Variants in TCF4 observed in about 807,000 individuals in gnomAD.
TCF4 encodes the protein SL3-3 enhancer factor 2.
Under a neutral mutation model 82.1 loss-of-function variants are expected in TCF4, and 3 were observed. The ratio of observed to expected loss-of-function variants is 0.04; its 90% CI spans 0.02 to 0.09. The LOEUF (loss-of-function observed/expected upper bound fraction) is 0.09. Among genes scored for constraint, TCF4 ranks in the 10% least tolerant of loss-of-function variants. The pLI is 1.00. For missense variants in TCF4, 518 were observed against 852.7 expected (o/e 0.61, Z 4.89); for synonymous variants, 276 against 309.6 (o/e 0.89, Z 1.14).
chr18:55,280,907 A>T (rs1391644494), intron 8 of TCF4, among the ~76,000 whole-genome samples: 1 of 152,170 alleles, frequency 6.6e-6, no homozygotes, highest in East Asian at 1.9e-4. Flanking sequence ...CCACAGAGAC[A>T]GATGTGGGAA....
rs920742193 is a variant in TCF4 at position 55,382,707 on chromosome 18, A to G, written c.369+20747T>C. Among the ~76,000 whole-genome samples the G allele has an allele frequency of 2.6e-5, 4 of 152,200 alleles. No homozygotes were observed. The South Asian group carries it at 8.3e-4, about 32-fold the overall frequency. The stretch of plus-strand genomic sequence containing the variant: ...TCTAATAATAAACATAAATAAGAAA[A>G]AAAGAGTTAACAGAAATTAAATGTG... On this transcript the variant is annotated intron_variant, in intron 6 of 19. Transcript: ENST00000354452.
Position 55,264,006 on chromosome 18 carries a change from T to C in TCF4, c.923-2473A>G, listed in dbSNP as rs140400669. Among the ~76,000 whole-genome samples, 360 of 152,128 alleles carry C rather than the reference T, an allele frequency of 2.4e-3. 2 individuals are homozygous for C. Among genetic ancestry groups the C allele is most frequent in the African/African-American group, 8.0e-3 (332 of 41,538 alleles). On this transcript the variant is annotated intron_variant, in intron 11 of 19. Coordinates refer to ENST00000354452, the MANE Select transcript of TCF4 (RefSeq NM_001083962.2). ...TTTAAAATGAAGATTACAAATAATATATATATTTTTATGAAACTAAACAAA... is the reference window on the plus strand; with the variant it reads ...TTTAAAATGAAGATTACAAATAATACATATATTTTTATGAAACTAAACAAA...
chr18:55,454,551 A>T (rs1344997969), intron 5 of TCF4, among the ~76,000 whole-genome samples: 1 of 152,156 alleles, frequency 6.6e-6, no homozygotes. Flanking sequence ...TTTATCCCCA[A>T]CCAATCCAAT....
rs1247778336 is a variant in TCF4, at chr18:55,631,308, C to T, written c.276G>A (p.Leu92=). ...AGGTGATCCACCTACCTTGGCCTCC[C>T]AAAGTGCTGGGATTACAGGTGTGAG... The change falls in exon 2 of 21, where the codon TTG becomes TTA. Residue 92 remains leucine (L), a synonymous_variant. Coordinates refer to the TCF4 transcript ENST00000398339. 3 of 1,514,038 alleles carry T rather than the reference C, an allele frequency of 2.0e-6. No individual in the cohort carries two copies. The Middle Eastern group carries it at 5.1e-4, about 255-fold the overall frequency. 93.8% of individuals were successfully genotyped at this position (1,514,038 alleles called of 1,614,324 possible).
intron 2 of TCF4, among the ~76,000 whole-genome samples, chr18:55,630,669 CTT>C (rs2097730691): frequency 6.6e-6 from 1 of 152,204 alleles, no homozygotes; most frequent in African/African-American, 2.4e-5. Flanking sequence ...TGCTATGCCT[CTT>C]TTCTTTTGGA....
chr18:55,334,804 C>T (rs1053251847), intron 8 of TCF4, among the ~76,000 whole-genome samples: 1 of 150,852 alleles, frequency 6.6e-6, no homozygotes, highest in African/African-American at 2.4e-5. Flanking sequence ...CACCTTTCTT[C>T]AGTGACTAAG....
At chr18:55,399,845 C>G (rs1411719565) in intron 6 of TCF4, among the ~76,000 whole-genome samples, 1 of 145,430 alleles carries the variant, frequency 6.9e-6, no homozygotes, top group African/African-American at 2.6e-5. Context: ...CTCTCTCTCT[C>G]TCTCCCCATC....
At position 55,228,753 on chromosome 18, in the gene TCF4, C is replaced by G; in HGVS notation, c.1879+94G>C. The G allele has an allele frequency of 2.4e-6, 3 of 1,267,618 alleles. No individual in the cohort carries two copies. In the Middle Eastern group the frequency reaches 7.5e-4, roughly 316 times the overall value. The allele number at this position is 1,267,618 out of a possible 1,614,324, so 78.5% of individuals were successfully genotyped here. ...CTTTGGAATGATGCTTGAAAGTCTA[C>G]TGTCTGCCACTGCTCAAGACTGGCG... On this transcript the variant is annotated intron_variant, in intron 18 of 19. Coordinates refer to ENST00000354452, the MANE Select transcript of TCF4 (RefSeq NM_001083962.2).
upstream of TCF4, chr18:55,589,953 C>T (rs184507753): frequency 3.9e-4 from 200 of 517,190 alleles, 1 homozygote; most frequent in African/African-American, 3.9e-3. Context: ...CCTCCGGGAG[C>T]GGAGGCGGGT....
chr18:55,556,124 A>ATAT (rs1346422833), intron 3 of TCF4, among the ~76,000 whole-genome samples: 6 of 152,160 alleles, frequency 3.9e-5, no homozygotes, highest in African/African-American at 1.4e-4. Context: ...TTAATAGTTA[A>ATAT]GTGAGCTTAT....
chr18:55,578,934 C>G (rs1371647003), intron 3 of TCF4, among the ~76,000 whole-genome samples: 1 of 151,916 alleles, frequency 6.6e-6, no homozygotes, highest in Non-Finnish European at 1.5e-5. Context: ...AAAATACTTT[C>G]TTACAGCCCT....
rs9965322 is a variant in TCF4 at position 55,403,211 on chromosome 18, G to A, written c.369+243C>T. 8.8e-3 allele frequency among the ~76,000 whole-genome samples: 1,335 copies of A among 152,126 alleles called. 15 individuals are homozygous for A. The highest frequency in any genetic ancestry group is 0.037 in the Middle Eastern group (11 of 294). On this transcript the variant is annotated intron_variant, in intron 6 of 19. Coordinates refer to ENST00000354452, the MANE Select transcript of TCF4 (RefSeq NM_001083962.2). ...GTTTGCAAACAGTGCCACTGGTACCGGCTGATGGATTAAAAAATAAAAACA... is the reference window on the plus strand; with the variant it reads ...GTTTGCAAACAGTGCCACTGGTACCAGCTGATGGATTAAAAAATAAAAACA...
intron 5 of TCF4, among the ~76,000 whole-genome samples, chr18:55,429,692 C>A (rs990536818): frequency 7.9e-6 from 1 of 125,942 alleles, no homozygotes; most frequent in Non-Finnish European, 1.6e-5. Context: ...ACCCGGGAGG[C>A]GGAGCTTGCG....
chr18:55,410,289 G>A (rs1362027587), intron 5 of TCF4, among the ~76,000 whole-genome samples: 3 of 152,098 alleles, frequency 2.0e-5, no homozygotes, highest in Non-Finnish European at 4.4e-5. Context: ...AGTTTTGGCT[G>A]CATTTCATCA....
At chr18:55,249,655 A>T (rs2054403929) in intron 15 of TCF4, among the ~76,000 whole-genome samples, 1 of 152,204 alleles carries the variant, frequency 6.6e-6, no homozygotes, top group Non-Finnish European at 1.5e-5. Flanking sequence ...GAGAGCACAG[A>T]ACCTACACTT....
At chr18:55,330,123 A>G (rs2077258834) in intron 8 of TCF4, among the ~76,000 whole-genome samples, 1 of 151,872 alleles carries the variant, frequency 6.6e-6, no homozygotes, top group Non-Finnish European at 1.5e-5. Context: ...GTTCCTCAAG[A>G]TATACCAATT....
intron 3 of TCF4, among the ~76,000 whole-genome samples, chr18:55,516,990 C>A (rs889834234): frequency 2.6e-5 from 4 of 152,202 alleles, no homozygotes; most frequent in African/African-American, 9.7e-5. Context: ...CTAAAGCAGG[C>A]AGTCCAGTTA....
chr18:55,402,149 G>A (rs771938157), intron 6 of TCF4: 9 of 985,316 alleles, frequency 9.1e-6, no homozygotes, highest in Non-Finnish European at 1.1e-5. Context: ...ACTCCGGCAG[G>A]AGCTCTTAAC....
At chr18:55,399,563 T>C (rs929976509) in intron 6 of TCF4, among the ~76,000 whole-genome samples, 1 of 152,224 alleles carries the variant, frequency 6.6e-6, no homozygotes, top group Non-Finnish European at 1.5e-5. Context: ...ATTTTCACTA[T>C]ATCACTAATT....
Sources: allele counts gnomAD v4.1 joint callset (sites outside exome capture counted in the v4.1 genomes callset), GRCh38; gene constraint gnomAD v4.1.1; transcripts MANE v1.5; gene names NCBI Gene and HGNC (gene_info 2026-07-23, HGNC 2026-07-21).